The following CRPPA variants were observed in gnomAD, a reference collection of about 807,000 sequenced individuals.
The protein encoded by CRPPA is D-ribitol-5-phosphate cytidylyltransferase.
Under a neutral mutation model 52.0 loss-of-function variants are expected in CRPPA, and 43 were observed. The ratio of observed to expected loss-of-function variants is 0.83; its 90% confidence interval spans 0.65 to 1.07. The LOEUF (loss-of-function observed/expected upper bound fraction) is 1.07, where lower values mean the gene tolerates loss of function less well. Ranked by LOEUF, CRPPA falls within the 50% of genes least tolerant of loss-of-function variation. The pLI is 0.00. For missense variants in CRPPA, 629 were observed against 551.7 expected (o/e 1.14, Z -1.40); for synonymous variants, 250 against 203.5 (o/e 1.23, Z -1.94).
At chr7:16,290,094 C>G (rs1028267975) in intron 5 of CRPPA, among the ~76,000 whole-genome samples, 5 of 151,694 alleles carry the variant, frequency 3.3e-5, no homozygotes, top group Admixed American at 3.3e-4. Flanking sequence ...ATAAAATACC[C>G]AGGAGGCAAA....
At chr7:16,136,917 G>A (rs1398514664) in intron 9 of CRPPA, among the ~76,000 whole-genome samples, 1 of 152,040 alleles carries the variant, frequency 6.6e-6, no homozygotes, top group East Asian at 1.9e-4. Context: ...CTATAATGTG[G>A]GCCAAGTTTA....
At chr7:16,215,678 G>C (rs1377293237) in intron 9 of CRPPA, among the ~76,000 whole-genome samples, 1 of 152,144 alleles carries the variant, frequency 6.6e-6, no homozygotes, top group African/African-American at 2.4e-5. Context: ...ATCTGGCTTT[G>C]TAGGGTTGCC....
intron 5 of CRPPA, among the ~76,000 whole-genome samples, chr7:16,284,540 C>T (rs1457007505): frequency 2.0e-5 from 3 of 152,058 alleles, no homozygotes; most frequent in African/African-American, 7.2e-5. Flanking sequence ...TTCTTATGGT[C>T]TTAATATTTC....
intron 3 of CRPPA, among the ~76,000 whole-genome samples, chr7:16,366,766 TAA>T (rs1224199597): frequency 9.7e-6 from 1 of 103,170 alleles, no homozygotes. Context: ...TTGAGAGAAT[TAA>T]AAAAAAAAAG....
Position 16,421,276 on chromosome 7 carries a change from G to A in CRPPA, c.47C>T (p.Pro16Leu). 1 of 1,287,720 alleles carries A rather than the reference G, an allele frequency of 7.8e-7. No homozygotes were observed. Among genetic ancestry groups the A allele is most frequent in the Admixed American group, 4.1e-5 (1 of 24,348 alleles). 79.8% of individuals were successfully genotyped at this position (1,287,720 alleles called of 1,614,324 possible). Reference sequence around the variant, plus strand: ...CGCGCCGCGCTGACCACTCAGGCAAGGACCCGGCTCCGCCGGCCTGGCGCT... The same window carrying A: ...CGCGCCGCGCTGACCACTCAGGCAAAGACCCGGCTCCGCCGGCCTGGCGCT... ...PGSARPAEPG[P>L]CLSGQRGADH... Residue 16 changes from proline (P) to leucine (L), a missense_variant, in exon 1 of 10, where the codon CCT (proline) becomes CTT (leucine). Coordinates refer to ENST00000407010, the MANE Select transcript of CRPPA (RefSeq NM_001101426.4).
intron 3 of CRPPA, among the ~76,000 whole-genome samples, chr7:16,313,379 T>C (rs137979698): frequency 6.6e-6 from 1 of 152,090 alleles, no homozygotes; most frequent in Non-Finnish European, 1.5e-5. Context: ...TCCTTTATTA[T>C]CCTTTTAATG....
intron 3 of CRPPA, among the ~76,000 whole-genome samples, chr7:16,344,182 T>C (rs1321126668): frequency 6.6e-6 from 1 of 152,018 alleles, no homozygotes; most frequent in Non-Finnish European, 1.5e-5. Context: ...CCAAGAGGTA[T>C]GTAAAGCAGC....
intron 9 of CRPPA, among the ~76,000 whole-genome samples, chr7:16,110,636 A>G (rs1195958270): frequency 2.6e-5 from 4 of 152,122 alleles, no homozygotes; most frequent in Non-Finnish European, 5.9e-5. Context: ...TCAGAAAGGA[A>G]TACATGCATA....
intron 6 of CRPPA, among the ~76,000 whole-genome samples, chr7:16,264,204 T>TA (rs1008256844): frequency 1.7e-4 from 26 of 151,422 alleles, no homozygotes; most frequent in African/African-American, 5.6e-4. Flanking sequence ...TGTTTATATA[T>TA]AAAAAAAAGT....
At chr7:16,259,100 GGCCCATAAAGCCAAGGACCATATA>G in intron 6 of CRPPA, 88 bp from the exon 7 acceptor site, 1 of 836,710 alleles carries the variant, frequency 1.2e-6, no homozygotes, top group Admixed American at 2.8e-5. Context: ...ATTGCTAGAA[GGCCCATAAAGCCAAGGACCATATA>G]TTTTTTAAAA....
chr7:16,377,656 C>A (rs1583559767), intron 2 of CRPPA, among the ~76,000 whole-genome samples: 2 of 152,130 alleles, frequency 1.3e-5, no homozygotes, highest in African/African-American at 4.8e-5. Flanking sequence ...TTGGTAAGAA[C>A]AGACTCTGTA....
chr7:16,180,577 T>C lies in CRPPA; in HGVS notation c.1251+35489A>G, dbSNP rs17169315. Among the ~76,000 whole-genome samples the C allele has an allele frequency of 6.0e-3, 910 of 152,188 alleles. 16 individuals carry two copies. Among genetic ancestry groups the C allele is most frequent in the African/African-American group, 0.021 (881 of 41,564 alleles). ...GCGCATGTGGCAAGCATTATGTTGT[T>C]CATTAATTTCGAAATCATACAATGG... On this transcript the variant is annotated intron_variant, in intron 9 of 9. Transcript: ENST00000407010.
intron 3 of CRPPA, among the ~76,000 whole-genome samples, chr7:16,349,021 C>A (rs1786084147): frequency 6.6e-6 from 1 of 152,180 alleles, no homozygotes. Flanking sequence ...TCAGAGGGTG[C>A]AGCTTGAATG....
At chr7:16,274,951 A>T (rs1784169907) in intron 6 of CRPPA, among the ~76,000 whole-genome samples, 1 of 152,084 alleles carries the variant, frequency 6.6e-6, no homozygotes, top group South Asian at 2.1e-4. Context: ...GACATTATCT[A>T]CTATAAAACC....
At chr7:16,418,047 T>A (rs547206450) in intron 1 of CRPPA, among the ~76,000 whole-genome samples, 1 of 152,366 alleles carries the variant, frequency 6.6e-6, no homozygotes, top group Admixed American at 6.5e-5. Context: ...ATAAATTATC[T>A]TTTTTAATGA....
chr7:16,404,618 CAAA>C (rs57602557), intron 2 of CRPPA, among the ~76,000 whole-genome samples: 2 of 100,520 alleles, frequency 2.0e-5, no homozygotes, highest in Non-Finnish European at 2.1e-5. Context: ...GTAACACAGG[CAAA>C]AAAAAAAAAA....
intron 5 of CRPPA, among the ~76,000 whole-genome samples, chr7:16,294,135 G>A (rs1784622791): frequency 6.6e-6 from 1 of 151,814 alleles, no homozygotes; most frequent in African/African-American, 2.4e-5. Flanking sequence ...TGAGAGAAAA[G>A]TTAGAAGGAA....
chr7:16,126,418 C>T (rs575989318), intron 9 of CRPPA, among the ~76,000 whole-genome samples: 1 of 152,210 alleles, frequency 6.6e-6, no homozygotes, highest in South Asian at 2.1e-4. Context: ...ACCCCAGAAC[C>T]ACTGAGATAT....
At chr7:16,313,445 CT>C (rs1485517980) in intron 3 of CRPPA, among the ~76,000 whole-genome samples, 4 of 151,750 alleles carry the variant, frequency 2.6e-5, no homozygotes, top group Non-Finnish European at 4.4e-5. Flanking sequence ...TTTGTATATT[CT>C]TTCTTAGCCT....
Sources: allele counts gnomAD v4.1 joint callset (sites outside exome capture counted in the v4.1 genomes callset), GRCh38; gene constraint gnomAD v4.1.1; transcripts MANE v1.5; gene names NCBI Gene and HGNC (gene_info 2026-07-23, HGNC 2026-07-21).